The following ADAMTS8 variants were observed in gnomAD, a reference collection of about 807,000 sequenced individuals.
ADAMTS8 encodes the protein ADAM metallopeptidase with thrombospondin type 1 motif 8, also known as A disintegrin and metalloproteinase with thrombospondin motifs 8.
ADAMTS8 carries 50 observed loss-of-function variants against 64.4 expected under a neutral mutation model. The ratio of observed to expected loss-of-function variants is 0.78; its 90% CI spans 0.62 to 0.98. The LOEUF is 0.98. Among genes scored for constraint, ADAMTS8 ranks in the 50% least tolerant of loss-of-function variants. The pLI, the probability that ADAMTS8 is intolerant of heterozygous loss-of-function variation, is 0.00. For synonymous variants in ADAMTS8, 556 were observed against 533.6 expected (o/e 1.04, Z -0.58); for missense variants, 1,192 against 1,208.2 (o/e 0.99, Z 0.20).
rs1263318414 is a variant in ADAMTS8 at position 130,414,401 on chromosome 11, G to A, written c.1566+130C>T. 4.4e-5 allele frequency: 52 copies of A among 1,177,474 alleles called. 3 individuals are homozygous for A. The South Asian group carries it at 6.8e-4, about 15-fold the overall frequency. 72.9% of individuals were successfully genotyped at this position (1,177,474 alleles called of 1,614,324 possible). A position where few individuals can be genotyped will look rare whatever the true frequency, so the allele number is the denominator to read the frequency against. On this transcript the variant is annotated intron_variant, in intron 5 of 8. Coordinates refer to ENST00000257359, the MANE Select transcript of ADAMTS8 (RefSeq NM_007037.6). The stretch of plus-strand genomic sequence containing the variant: ...AAGTGCTGGGATTCCAGTGTGAGCC[G>A]CTCTGCCTGGCTGTCTCTCGGTTCA...
intron 4 of ADAMTS8, 38 bp from the exon 5 acceptor site, chr11:130,414,870 A>C: frequency 6.5e-7 from 1 of 1,537,150 alleles, no homozygotes; most frequent in East Asian, 2.3e-5. Context: ...GAACATGCAC[A>C]GGGCTGCCGC....
chr11:130,406,113 G>A lies in ADAMTS8; in HGVS notation c.2115C>T (p.Asp705=). Reference sequence around the variant, plus strand: ...TGGCACCAGCTGGGATGGTGACAATGTCATTGTAGCCATAACTGTGATAGA... The same window carrying A: ...TGGCACCAGCTGGGATGGTGACAATATCATTGTAGCCATAACTGTGATAGA... ...SLTPTNYGYN[D]IVTIPAGATN... is the part of the protein sequence containing the mutation. The change falls in exon 9 of 9, where the codon GAC becomes GAT. Residue 705 remains aspartate, a synonymous_variant. Coordinates refer to ENST00000257359, the MANE Select transcript of ADAMTS8 (RefSeq NM_007037.6). 6.2e-7 allele frequency: 1 copy of A among 1,608,702 alleles called. No homozygotes were observed. The highest frequency in any genetic ancestry group is 8.5e-7 in the Non-Finnish European group (1 of 1,179,356).
intron 1 of ADAMTS8, among the ~76,000 whole-genome samples, chr11:130,426,268 C>T (rs1213520767): frequency 1.3e-5 from 2 of 152,176 alleles, no homozygotes; most frequent in Admixed American, 1.3e-4. Context: ...TCTTTCCTAC[C>T]CTGCCTTTCC....
intron 6 of ADAMTS8, among the ~76,000 whole-genome samples, chr11:130,409,995 A>G (rs1861933128): frequency 6.6e-6 from 1 of 152,228 alleles, no homozygotes; most frequent in Admixed American, 6.5e-5. Flanking sequence ...TCAGCCTTCA[A>G]GGACCTCTGT....
chr11:130,428,484 C>T lies in ADAMTS8; in HGVS notation c.-198G>A, dbSNP rs1436153912. On this transcript the variant is annotated 5_prime_UTR_variant, in exon 1 of 9. Coordinates refer to ENST00000257359, the MANE Select transcript of ADAMTS8 (RefSeq NM_007037.6). ...CCTCTGGCTGGCGCAGCCCGCTCCTCCCGCGCCGCCGCCCCCGAGCCGAGC... is the reference window on the plus strand; with the variant it reads ...CCTCTGGCTGGCGCAGCCCGCTCCTTCCGCGCCGCCGCCCCCGAGCCGAGC... The T allele has an allele frequency of 2.2e-5, 22 of 985,574 alleles. No homozygotes were observed. The African/African-American group carries it at 3.3e-4, about 15-fold the overall frequency. 61.1% of individuals were successfully genotyped at this position (985,574 alleles called of 1,614,324 possible).
In ADAMTS8 at chr11:130,411,951, C is replaced by G; in HGVS notation, c.1567-351G>C. 7.7e-6 allele frequency: 2 copies of G among 260,892 alleles called. No individual in the cohort carries two copies. The highest frequency in any genetic ancestry group is 9.2e-5 in the East Asian group (1 of 10,858). 16.2% of individuals were successfully genotyped at this position (260,892 alleles called of 1,614,324 possible). On this transcript the variant is annotated intron_variant, in intron 5 of 8. Coordinates refer to ENST00000257359, the MANE Select transcript of ADAMTS8 (RefSeq NM_007037.6). This position sits in a 1 kb window ranked among gnomAD's most constrained non-coding sequence, Gnocchi z 4.2. ...TCTCCGTTGGGGCGAATTCTGCCCTCCAGGGGACATTTGGCAATGTCTGGA... is the reference window on the plus strand; with the variant it reads ...TCTCCGTTGGGGCGAATTCTGCCCTGCAGGGGACATTTGGCAATGTCTGGA...
At chr11:130,414,026 C>T (rs537337600) in intron 5 of ADAMTS8, among the ~76,000 whole-genome samples, 2 of 148,834 alleles carry the variant, frequency 1.3e-5, no homozygotes, top group African/African-American at 4.9e-5. Context: ...TCACGGGCTC[C>T]TCACCGTGTG....
chr11:130,409,091 T>A (rs1861922004), intron 6 of ADAMTS8, 151 bp from the exon 7 acceptor site: 1 of 815,132 alleles, frequency 1.2e-6, no homozygotes, highest in Non-Finnish European at 1.8e-6. Context: ...GGGCACAACA[T>A]TCCTAGACGC....
In ADAMTS8 at chr11:130,428,423, GC is replaced by G; in HGVS notation, c.-138del. The stretch of plus-strand genomic sequence containing the variant: ...ATCGGGTGCAAGGCCGACTCGGCCC[GC>G]GGGGCCCGGCGGCGGGAGCGCTCCC... On this transcript the variant is annotated 5_prime_UTR_variant, in exon 1 of 9. Coordinates refer to ENST00000257359, the MANE Select transcript of ADAMTS8 (RefSeq NM_007037.6). The G allele has an allele frequency of 5.6e-6, 6 of 1,076,056 alleles. No individual in the cohort carries two copies. Among genetic ancestry groups the G allele is most frequent in the Non-Finnish European group, 6.7e-6 (6 of 889,760 alleles). The allele number at this position is 1,076,056 out of a possible 1,614,324, so 66.7% of individuals were successfully genotyped here.
Position 130,405,343 on chromosome 11 carries a change from C to T in ADAMTS8, c.*215G>A. 1.2e-5 allele frequency: 16 copies of T among 1,374,338 alleles called. No homozygotes were observed. Among genetic ancestry groups the T allele is most frequent in the Non-Finnish European group, 1.4e-5 (15 of 1,068,244 alleles). 85.1% of individuals were successfully genotyped at this position (1,374,338 alleles called of 1,614,324 possible). A position where few individuals can be genotyped will look rare whatever the true frequency, so the allele number is the denominator to read the frequency against. On this transcript the variant is annotated 3_prime_UTR_variant, in exon 9 of 9. Transcript: ENST00000257359. ...ACTTGAACCCGAGCAAGGTCCAGTCCACTGGACAGTTGATGATAGGGTCTG... is the reference window on the plus strand; with the variant it reads ...ACTTGAACCCGAGCAAGGTCCAGTCTACTGGACAGTTGATGATAGGGTCTG...
intron 1 of ADAMTS8, among the ~76,000 whole-genome samples, chr11:130,419,888 G>A (rs73044803): frequency 6.6e-6 from 1 of 152,100 alleles, no homozygotes; most frequent in Admixed American, 6.5e-5. Flanking sequence ...CTACTCTTTG[G>A]GGGGGGATTT....
intron 5 of ADAMTS8, among the ~76,000 whole-genome samples, chr11:130,414,271 G>A (rs1243138246): frequency 1.3e-5 from 2 of 151,606 alleles, no homozygotes; most frequent in South Asian, 2.1e-4. Flanking sequence ...CTACAAGCGT[G>A]AGTCACCATG....
At chr11:130,424,826 G>A (rs761976865) in intron 1 of ADAMTS8, among the ~76,000 whole-genome samples, 2 of 152,156 alleles carry the variant, frequency 1.3e-5, no homozygotes, top group Non-Finnish European at 2.9e-5. Context: ...CCTGGACACA[G>A]CTGTACCTCA....
intron 5 of ADAMTS8, among the ~76,000 whole-genome samples, chr11:130,413,783 G>C (rs990072154): frequency 2.0e-5 from 3 of 152,176 alleles, no homozygotes; most frequent in Non-Finnish European, 4.4e-5. Flanking sequence ...TATGCATTCA[G>C]TTCAAGCACG....
chr11:130,418,007 C>CAAAAAAAAAAAAAAAAAA (rs5795694), intron 2 of ADAMTS8, among the ~76,000 whole-genome samples: 2 of 93,934 alleles, frequency 2.1e-5, no homozygotes, highest in Non-Finnish European at 4.1e-5. Flanking sequence ...CTACAAAAAG[C>CAAAAAAAAAAAAAAAAAA]AAAAAAAAAA....
Position 130,416,092 on chromosome 11 carries a change from G to A in ADAMTS8, c.1264+71C>T. On this transcript the variant is annotated intron_variant, in intron 4 of 8. Coordinates refer to ENST00000257359, the MANE Select transcript of ADAMTS8 (RefSeq NM_007037.6). The surrounding 1 kb of genome is among the most constrained non-coding windows in gnomAD (Gnocchi z 4.8). ...GGCCCTGTGAGGAGGCACAGCTGGA[G>A]GGGGTCTCTGCGCCAGCACCAGTGG... 1 of 1,465,840 alleles carries A rather than the reference G, an allele frequency of 6.8e-7. No homozygotes were observed. The highest frequency in any genetic ancestry group is 9.1e-7 in the Non-Finnish European group (1 of 1,102,608). The allele number at this position is 1,465,840 out of a possible 1,614,324, so 90.8% of individuals were successfully genotyped here. A position where few individuals can be genotyped will look rare whatever the true frequency, so the allele number is the denominator to read the frequency against.
Position 130,405,845 on chromosome 11 carries a change from C to T in ADAMTS8, c.2383G>A (p.Gly795Ser), listed in dbSNP as rs566921705. 1.9e-6 allele frequency: 3 copies of T among 1,613,898 alleles called. No homozygotes were observed. Among genetic ancestry groups the T allele is most frequent in the Admixed American group, 3.3e-5 (2 of 60,010 alleles). Residue 795 changes from glycine to serine, a missense_variant, in exon 9 of 9, where the codon GGC becomes AGC. Around this residue, in one of 5 missense-constraint regions of ADAMTS8, gnomAD observed 147 missense variants for 154.1 expected, o/e 0.95. Transcript: ENST00000257359. ...PLTVQLLTVP[G>S]EVFPPKVKYT... ...TTGACTTTTGGGGGGAAGACCTCGC[C>T]AGGGACTGTCAGGAGCTGCACTGTC...
At chr11:130,422,495 C>T (rs572217179) in intron 1 of ADAMTS8, among the ~76,000 whole-genome samples, 6 of 152,250 alleles carry the variant, frequency 3.9e-5, no homozygotes, top group African/African-American at 7.2e-5. Flanking sequence ...TCCCTTGCGG[C>T]GCGCCTGGGG....
Position 130,428,381 on chromosome 11 carries a change from C to T in ADAMTS8, c.-95G>A, listed in dbSNP as rs1224040682. ...CCGAGCGCGGCCCGGCCGCTCTCTC[C>T]AGGAAAAGCGGAATCAATCGGGTGC... On this transcript the variant is annotated 5_prime_UTR_variant, in exon 1 of 9. Coordinates refer to ENST00000257359, the MANE Select transcript of ADAMTS8 (RefSeq NM_007037.6). 3 of 1,197,044 alleles carry T rather than the reference C, an allele frequency of 2.5e-6. No individual in the cohort carries two copies. Among genetic ancestry groups the T allele is most frequent in the African/African-American group, 1.6e-5 (1 of 61,404 alleles). 74.2% of individuals were successfully genotyped at this position (1,197,044 alleles called of 1,614,324 possible). A position where few individuals can be genotyped will look rare whatever the true frequency, so the allele number is the denominator to read the frequency against.
Sources: gnomAD v4.1 joint callset for allele counts (sites outside exome capture counted in the v4.1 genomes callset) on GRCh38, gnomAD v4.1.1 for gene constraint, gnomAD v4.1.1 regional missense constraint, Gnocchi (gnomAD v3.1) non-coding constraint, MANE v1.5 for transcripts, NCBI Gene and HGNC (gene_info 2026-07-23, HGNC 2026-07-21) for gene names.